Variants in UBQLN1 observed in about 807,000 individuals in gnomAD.
UBQLN1 encodes ubiquilin 1, also known as ubiquilin-1.
A neutral mutation model predicts 65.4 loss-of-function variants in UBQLN1; 13 were observed. The ratio of observed to expected loss-of-function variants is 0.20; its 90% CI spans 0.13 to 0.32. UBQLN1 has a LOEUF of 0.32. Among genes scored for constraint, UBQLN1 ranks in the 10% least tolerant of loss-of-function variants. The pLI is 1.00. For missense variants in UBQLN1, 561 were observed against 724.0 expected, an observed-to-expected ratio of 0.77 and a Z score of 2.58; for synonymous variants, 267 against 247.8, an observed-to-expected ratio of 1.08 and a Z score of -0.73.
At chr9:83,676,321 T>A (rs749571338) in intron 6 of UBQLN1, among the ~76,000 whole-genome samples, 1 of 152,202 alleles carries the variant, frequency 6.6e-6, no homozygotes, top group Admixed American at 6.5e-5. Flanking sequence ...AGTATCTGAG[T>A]AAAAGGATGC....
rs1346235506 is a variant in UBQLN1, at chr9:83,661,439, T to C, written c.*348A>G. On this transcript the variant is annotated 3_prime_UTR_variant, in exon 11 of 11. Coordinates refer to ENST00000376395, the MANE Select transcript of UBQLN1 (RefSeq NM_013438.5). ...GTGCAAATGATTTGCTTCTTTTTAATGCTTTTATTCTACATAAATTACTAC... is the reference window on the plus strand; with the variant it reads ...GTGCAAATGATTTGCTTCTTTTTAACGCTTTTATTCTACATAAATTACTAC... The C allele has an allele frequency of 1.1e-5, 2 of 182,390 alleles. No individual in the cohort carries two copies. Among genetic ancestry groups the C allele is most frequent in the Non-Finnish European group, 2.4e-5 (2 of 84,510 alleles). The allele number at this position is 182,390 out of a possible 1,614,324, so 11.3% of individuals were successfully genotyped here. A position where few individuals can be genotyped will look rare whatever the true frequency, so the allele number is the denominator to read the frequency against.
At chr9:83,707,358 G>T in intron 1 of UBQLN1, 142 bp downstream of exon 1, 2 of 921,660 alleles carry the variant, frequency 2.2e-6, no homozygotes, top group Non-Finnish European at 3.1e-6. Context: ...CCACGAACTT[G>T]GGTGTGATCT....
chr9:83,665,320 C>A, intron 8 of UBQLN1, 175 bp from the exon 9 acceptor site: 1 of 476,768 alleles, frequency 2.1e-6, no homozygotes, highest in Admixed American at 3.9e-5. Flanking sequence ...GACAGCAAAC[C>A]TAGTGTGCAA....
rs149428874 is a variant in UBQLN1 at position 83,684,640 on chromosome 9, C to T, written c.332+1364G>A. ...CAGCCTGGCCAACATGAGGAAACCC[C>T]GTCTCTATCAAAAATACAAAATTAG... On this transcript the variant is annotated intron_variant, in intron 2 of 10. Coordinates refer to ENST00000376395, the MANE Select transcript of UBQLN1 (RefSeq NM_013438.5). Among the ~76,000 whole-genome samples, 7 of 152,036 alleles carry T rather than the reference C, an allele frequency of 4.6e-5. No individual in the cohort carries two copies. In the East Asian group the frequency reaches 1.4e-3, roughly 30 times the overall value.
rs115425709 is a variant in UBQLN1, at chr9:83,683,797, C to T, written c.333-731G>A. ...CAGCACTTTGCGAGGCCGAGGCAGG[C>T]GATCAACTGAGGTCAGGAGTTCAAG... On this transcript the variant is annotated intron_variant, in intron 2 of 10. Coordinates refer to ENST00000376395, the MANE Select transcript of UBQLN1 (RefSeq NM_013438.5). Among the ~76,000 whole-genome samples the T allele has an allele frequency of 1.5e-3, 235 of 152,138 alleles. 1 individual carries two copies. The highest frequency in any genetic ancestry group is 5.2e-3 in the African/African-American group (216 of 41,522).
chr9:83,677,031 T>C (rs935545063), intron 6 of UBQLN1, among the ~76,000 whole-genome samples: 3 of 152,188 alleles, frequency 2.0e-5, no homozygotes, highest in Non-Finnish European at 4.4e-5. Flanking sequence ...TATGAAAGAT[T>C]TGGCTCCACA....
chr9:83,677,676 T>C (rs763962957), intron 6 of UBQLN1, 51 bp downstream of exon 6: 5 of 1,336,974 alleles, frequency 3.7e-6, no homozygotes, highest in Non-Finnish European at 5.2e-6. Flanking sequence ...AATGTTTTAA[T>C]TATGTAAATG....
rs1587669905 is a variant in UBQLN1 at position 83,707,784 on chromosome 9, T to C, written c.-105A>G. ...GCCGGCAGGCCTGGACAGCGAAGAATGCAGAGCACGCCGCCTCAGTAGCAA... is the reference window on the plus strand; with the variant it reads ...GCCGGCAGGCCTGGACAGCGAAGAACGCAGAGCACGCCGCCTCAGTAGCAA... On this transcript the variant is annotated 5_prime_UTR_variant, in exon 1 of 11. Transcript: ENST00000376395. 1.4e-6 allele frequency: 2 copies of C among 1,412,422 alleles called. No homozygotes were observed. The highest frequency in any genetic ancestry group is 6.1e-5 in the Admixed American group (2 of 32,972). The allele number at this position is 1,412,422 out of a possible 1,614,324, so 87.5% of individuals were successfully genotyped here. A position where few individuals can be genotyped will look rare whatever the true frequency, so the allele number is the denominator to read the frequency against.
intron 2 of UBQLN1, among the ~76,000 whole-genome samples, chr9:83,685,513 T>C (rs1369270440): frequency 1.3e-5 from 2 of 151,816 alleles, no homozygotes; most frequent in Non-Finnish European, 2.9e-5. Context: ...TCTTTAAAAC[T>C]GGTGGTGCCA....
At chr9:83,668,722 A>G (rs1449397828) in intron 7 of UBQLN1, 4 of 813,228 alleles carry the variant, frequency 4.9e-6, no homozygotes, top group Admixed American at 1.2e-4. Context: ...GAAGGAGAAC[A>G]TTGTTCTGAC....
rs1047044107 is a variant in UBQLN1 at position 83,666,260 on chromosome 9, T to C, written c.1332+90A>G. 3.2e-6 allele frequency: 4 copies of C among 1,256,876 alleles called. No homozygotes were observed. The Admixed American group carries it at 5.2e-5, about 16-fold the overall frequency. 77.9% of individuals were successfully genotyped at this position (1,256,876 alleles called of 1,614,324 possible). ...TTGGTCTCTATTCTATGTTTTGCTA[T>C]CAGCCAGAGAAGAGCAAGGAAAAAT... On this transcript the variant is annotated intron_variant, in intron 8 of 10. Coordinates refer to ENST00000376395, the MANE Select transcript of UBQLN1 (RefSeq NM_013438.5).
chr9:83,677,689 G>T, intron 6 of UBQLN1, 38 bp downstream of exon 6: 1 of 1,470,234 alleles, frequency 6.8e-7, no homozygotes, highest in Non-Finnish European at 9.4e-7. Flanking sequence ...TGTAAATGAG[G>T]ACAACAAAGA....
rs760027933 is a variant in UBQLN1 at position 83,682,941 on chromosome 9, A to G, written c.448+10T>C. 1.0e-5 allele frequency: 16 copies of G among 1,560,820 alleles called. No individual in the cohort carries two copies. The South Asian group carries it at 1.7e-4, about 17-fold the overall frequency. Reference sequence around the variant, plus strand: ...TTCCCATCCCTACTGGAATGACTAAAGACACTTACCTAAACCAAAAGGGTT... The same window carrying G: ...TTCCCATCCCTACTGGAATGACTAAGGACACTTACCTAAACCAAAAGGGTT... On this transcript the variant is annotated intron_variant, in intron 3 of 10. Coordinates refer to ENST00000376395, the MANE Select transcript of UBQLN1 (RefSeq NM_013438.5).
Position 83,698,559 on chromosome 9 carries a change from C to T in UBQLN1, c.180+8941G>A, listed in dbSNP as rs114324770. ...TGGAAGCAACCCAAGCGACCAGCAA[C>T]AGATCAATGGATTTTTAAAATGTGG... On this transcript the variant is annotated intron_variant, in intron 1 of 10. Coordinates refer to ENST00000376395, the MANE Select transcript of UBQLN1 (RefSeq NM_013438.5). Among the ~76,000 whole-genome samples the T allele has an allele frequency of 5.5e-3, 844 of 152,240 alleles. 7 individuals are homozygous for T. Among genetic ancestry groups the T allele is most frequent in the African/African-American group, 0.019 (802 of 41,562 alleles).
chr9:83,702,177 T>C (rs1832320597), intron 1 of UBQLN1, among the ~76,000 whole-genome samples: 1 of 152,202 alleles, frequency 6.6e-6, no homozygotes, highest in Non-Finnish European at 1.5e-5. Flanking sequence ...GGGCAACTGC[T>C]AAAGGGTACA....
At position 83,660,486 on chromosome 9, in the gene UBQLN1, G is replaced by C. The variant is rs542996371; in HGVS notation, c.*1301C>G. The C allele has an allele frequency of 6.6e-6, 1 of 152,516 alleles. No individual in the cohort carries two copies. The highest frequency in any genetic ancestry group is 1.5e-5 in the Non-Finnish European group (1 of 68,026). 9.4% of individuals were successfully genotyped at this position (152,516 alleles called of 1,614,324 possible). A position where few individuals can be genotyped will look rare whatever the true frequency, so the allele number is the denominator to read the frequency against. On this transcript the variant is annotated 3_prime_UTR_variant, in exon 11 of 11. Transcript: ENST00000376395. ...GGAGTTAGGCAAACAGAATTCTTTG[G>C]GGGAGGGAAGAAAAAGGCTATAAAA...
chr9:83,673,681 C>T (rs554617084), intron 6 of UBQLN1, among the ~76,000 whole-genome samples: 3 of 151,854 alleles, frequency 2.0e-5, no homozygotes, highest in Non-Finnish European at 2.9e-5. Context: ...TTTCAACGCC[C>T]ATGAATACCA....
At position 83,707,852 on chromosome 9, in the gene UBQLN1, G is replaced by A; in HGVS notation, c.-173C>T. On this transcript the variant is annotated 5_prime_UTR_variant, in exon 1 of 11. Transcript: ENST00000376395. ...TAGCGGGTGTGGGGCCCCGGAGCTCGGTGCAGGCTCTGGCGCAGGCCCGGG... is the reference window on the plus strand; with the variant it reads ...TAGCGGGTGTGGGGCCCCGGAGCTCAGTGCAGGCTCTGGCGCAGGCCCGGG... 1.0e-6 allele frequency: 1 copy of A among 978,774 alleles called. No homozygotes were observed. Among genetic ancestry groups the A allele is most frequent in the Non-Finnish European group, 1.4e-6 (1 of 706,616 alleles). 60.6% of individuals were successfully genotyped at this position (978,774 alleles called of 1,614,324 possible).
In UBQLN1 at chr9:83,682,284, C is replaced by CAA. The variant is rs1286840661; in HGVS notation, c.448+665_448+666dup. 4.6e-4 allele frequency among the ~76,000 whole-genome samples: 66 copies of CAA among 142,854 alleles called. 1 individual carries two copies. Among genetic ancestry groups the CAA allele is most frequent in the Admixed American group, 1.4e-3 (20 of 14,646 alleles). The allele number at this position is 142,854 out of a possible 152,430, so 93.7% of individuals were successfully genotyped here. A position where few individuals can be genotyped will look rare whatever the true frequency, so the allele number is the denominator to read the frequency against. ...TGGGCGACAGAGCAAGACTCTGTCT[C>CAA]AAAAAATATATATATATATATTCCA... On this transcript the variant is annotated intron_variant, in intron 3 of 10. Coordinates refer to ENST00000376395, the MANE Select transcript of UBQLN1 (RefSeq NM_013438.5).
Sources: gnomAD v4.1 joint callset for allele counts (sites outside exome capture counted in the v4.1 genomes callset) on GRCh38, gnomAD v4.1.1 for gene constraint, MANE v1.5 for transcripts, NCBI Gene and HGNC (gene_info 2026-07-23, HGNC 2026-07-21) for gene names.